The following RHOBTB2 variants were observed in gnomAD, a reference collection of about 807,000 sequenced individuals.
RHOBTB2 encodes rho-related BTB domain-containing protein 2.
A neutral mutation model predicts 66.5 loss-of-function variants in RHOBTB2; 39 were observed. The observed-to-expected ratio is 0.59, with a 90% CI of 0.45 to 0.77. The LOEUF (loss-of-function observed/expected upper bound fraction) is 0.77, where lower values mean the gene tolerates loss of function less well. RHOBTB2 is among the 30% of genes least tolerant of loss of function. The probability of loss-of-function intolerance (pLI) is 0.00; values close to 1 mark genes in which losing one functional copy is unlikely to be tolerated. For synonymous variants in RHOBTB2, 390 were observed against 395.0 expected, an observed-to-expected ratio of 0.99 and a Z score of 0.15; for missense variants, 755 against 999.1, an observed-to-expected ratio of 0.76 and a Z score of 3.29.
chr8:22,963,804 A>G, the RHOBTB2 span, among the ~76,000 whole-genome samples: 3 of 151,862 alleles, frequency 2.0e-5, no homozygotes, highest in African/African-American at 7.3e-5. Flanking sequence ...ATTTTAAGAC[A>G]GAGTTTTGCT....
chr8:22,959,735 T>C, the RHOBTB2 span, among the ~76,000 whole-genome samples: 66 of 152,176 alleles, frequency 4.3e-4, no homozygotes, highest in African/African-American at 1.4e-3. Flanking sequence ...CTCTACCCCC[T>C]GTGGTTACCT....
upstream of RHOBTB2, among the ~76,000 whole-genome samples, chr8:22,985,307 G>C (rs953023514): frequency 7.9e-5 from 12 of 152,360 alleles, no homozygotes; most frequent in Middle Eastern, 3.4e-3. Context: ...CAGTGAAAGG[G>C]AGGCACTGCG....
chr8:23,015,929 A>G (rs968049495), intron 9 of RHOBTB2, among the ~76,000 whole-genome samples, 186 bp downstream of exon 9: 1 of 152,238 alleles, frequency 6.6e-6, no homozygotes, highest in Admixed American at 6.5e-5. Context: ...AGGGCAACTC[A>G]CCCTGCCTCT....
At chr8:23,003,119 C>A (rs924517377) in intron 1 of RHOBTB2, among the ~76,000 whole-genome samples, 3 of 152,160 alleles carry the variant, frequency 2.0e-5, no homozygotes, top group Admixed American at 2.0e-4. Context: ...TGCTAAAGCC[C>A]CCCCAGACGA....
the RHOBTB2 span, among the ~76,000 whole-genome samples, chr8:22,956,116 C>T: frequency 6.6e-6 from 1 of 152,304 alleles, no homozygotes; most frequent in East Asian, 1.9e-4. Context: ...ACAAACAGTA[C>T]AGAGAATTTT....
chr8:23,006,905 C>A lies in RHOBTB2; in HGVS notation c.660C>A (p.His220Gln). Residue 220 changes from histidine to glutamine, a missense_variant, in exon 5 of 10, where the codon CAC becomes CAA. By Grantham distance (24) the His-to-Gln change is conservative (BLOSUM62 0). Transcript: ENST00000251822. The surrounding 1 kb of genome is among the most constrained non-coding windows in gnomAD (Gnocchi z 6.1). ...SRRHLQFWKSHLRNVQRPLLQ... is the reference protein window; with the variant it reads ...SRRHLQFWKSQLRNVQRPLLQ... ...GCCACCTGCAGTTCTGGAAGTCCCA[C>A]CTCCGCAATGTGCAGCGGCCTCTGC... is the stretch of plus-strand genomic sequence containing the variant. 2 of 1,614,078 alleles carry A rather than the reference C, an allele frequency of 1.2e-6. No individual in the cohort carries two copies. Among genetic ancestry groups the A allele is most frequent in the Non-Finnish European group, 8.5e-7 (1 of 1,180,016 alleles).
rs771118932 is a variant in RHOBTB2, at chr8:23,014,675, C to T, written c.1772-15C>T. The stretch of plus-strand genomic sequence containing the variant: ...ATGTGCTTCTTCAGCTGATTGGTGG[C>T]CGTGTGTGTTACAGAGCAGTACACA... On this transcript the variant is annotated splice_polypyrimidine_tract_variant and intron_variant, in intron 7 of 9. Coordinates refer to ENST00000251822, the MANE Select transcript of RHOBTB2 (RefSeq NM_015178.3). 6 of 1,610,856 alleles carry T rather than the reference C, an allele frequency of 3.7e-6. No individual in the cohort carries two copies. The highest frequency in any genetic ancestry group is 1.3e-5 in the African/African-American group (1 of 74,810).
intron 7 of RHOBTB2, among the ~76,000 whole-genome samples, chr8:23,012,915 T>A (rs1278404407): frequency 6.6e-6 from 1 of 152,176 alleles, no homozygotes; most frequent in East Asian, 1.9e-4. Context: ...GCGATTCTCC[T>A]GCCTGAGCCT....
chr8:22,998,029 T>A (rs1452289493), upstream of RHOBTB2, among the ~76,000 whole-genome samples: 1 of 152,180 alleles, frequency 6.6e-6, no homozygotes, highest in Non-Finnish European at 1.5e-5. Flanking sequence ...TAAGTAGCAC[T>A]GTCAGTCATT....
At chr8:22,951,244 C>CTTTTTTTTTTT in the RHOBTB2 span, among the ~76,000 whole-genome samples, 1 of 87,966 alleles carries the variant, frequency 1.1e-5, no homozygotes, top group Non-Finnish European at 2.0e-5. Context: ...CTACTTAGCT[C>CTTTTTTTTTTT]TTTTTTTTTT....
upstream of RHOBTB2, chr8:22,995,798 G>T: frequency 1.3e-6 from 2 of 1,529,418 alleles, no homozygotes; most frequent in South Asian, 2.4e-5. Context: ...GCAGGGGATG[G>T]GGGGCGGAGC....
chr8:22,994,172 G>A (rs1810487656), intron 2 of RHOBTB2, among the ~76,000 whole-genome samples: 1 of 152,224 alleles, frequency 6.6e-6, no homozygotes, highest in African/African-American at 2.4e-5. Context: ...CCTTGTCCAT[G>A]AGAAAGTGAG....
At chr8:22,996,270 C>T (rs1485178098), upstream of RHOBTB2, among the ~76,000 whole-genome samples, 3 of 152,032 alleles carry the variant, frequency 2.0e-5, no homozygotes, top group East Asian at 5.8e-4. Context: ...GGAAGAGATG[C>T]TGGGGTTGGG....
At chr8:22,995,830 G>T (rs1212523422), upstream of RHOBTB2, 6 of 1,550,998 alleles carry the variant, frequency 3.9e-6, no homozygotes, top group Non-Finnish European at 5.2e-6. Context: ...GGCCCATGGG[G>T]TGGGCTCCGC....
chr8:23,008,007 C>A lies in RHOBTB2; in HGVS notation c.1516C>A (p.Leu506Met), dbSNP rs1166549000. ...KGTFSDVTFILDDGTISAHKP... is the reference protein window; with the variant it reads ...KGTFSDVTFIMDDGTISAHKP... ...CTTCTGGACAGATGTGACCTTCATCCTGGATGATGGCACCATCAGCGCCCA... is the reference window on the plus strand; with the variant it reads ...CTTCTGGACAGATGTGACCTTCATCATGGATGATGGCACCATCAGCGCCCA... Residue 506 changes from leucine (L) to methionine (M), a missense_variant, in exon 6 of 10, where the codon CTG becomes ATG. By Grantham distance (15) the Leu-to-Met change is conservative. Coordinates refer to ENST00000251822, the MANE Select transcript of RHOBTB2 (RefSeq NM_015178.3). The A allele has an allele frequency of 1.2e-6, 2 of 1,613,806 alleles. No homozygotes were observed. The highest frequency in any genetic ancestry group is 1.7e-6 in the Non-Finnish European group (2 of 1,179,852).
intron 1 of RHOBTB2, among the ~76,000 whole-genome samples, chr8:23,001,561 T>C (rs1423666215): frequency 1.3e-5 from 2 of 152,176 alleles, no homozygotes; most frequent in African/African-American, 2.4e-5. Flanking sequence ...ATTACACATA[T>C]AGATATGCAA....
At chr8:23,015,588 C>A (rs995029564) in intron 8 of RHOBTB2, 50 bp from the exon 9 acceptor site, 1 of 1,340,464 alleles carries the variant, frequency 7.5e-7, no homozygotes, top group Non-Finnish European at 1.1e-6. Context: ...TCTATGCAGA[C>A]CCTCTCCCCT....
chr8:22,983,336 TA>T (rs532894152), upstream of RHOBTB2, among the ~76,000 whole-genome samples: 240 of 134,368 alleles, frequency 1.8e-3, no homozygotes, highest in Admixed American at 1.9e-3. Context: ...ACCATTTAGT[TA>T]AAAAAAAAAA....
intron 2 of RHOBTB2, among the ~76,000 whole-genome samples, chr8:22,993,813 C>A (rs1810480532): frequency 6.6e-6 from 1 of 152,226 alleles, no homozygotes. Flanking sequence ...GCATCTCTAA[C>A]CTCTTCCCTG....
Sources: allele counts gnomAD v4.1 joint callset (sites outside exome capture counted in the v4.1 genomes callset), GRCh38; gene constraint gnomAD v4.1.1; non-coding constraint Gnocchi (gnomAD v3.1); transcripts MANE v1.5; gene names NCBI Gene and HGNC (gene_info 2026-07-23, HGNC 2026-07-21).